LRBA: variants seen among roughly 807,000 people sequenced by gnomAD.
The protein encoded by LRBA is LPS responsive beige-like anchor protein.
A neutral mutation model predicts 330.0 loss-of-function variants in LRBA; 176 were observed. The ratio of observed to expected loss-of-function variants is 0.53; its 90% confidence interval spans 0.47 to 0.60. The LOEUF (loss-of-function observed/expected upper bound fraction) is 0.60. Ranked by LOEUF, LRBA falls within the 20% of genes least tolerant of loss-of-function variation. The pLI, the probability that LRBA is intolerant of heterozygous loss-of-function variation, is 0.00. For synonymous variants in LRBA, 1,230 were observed against 1,193.0 expected (o/e 1.03, Z -0.64); for missense variants, 3,259 against 3,444.8 (o/e 0.95, Z 1.35).
intron 40 of LRBA, among the ~76,000 whole-genome samples, chr4:150,559,588 T>G (rs1462857054): frequency 8.5e-6 from 1 of 117,874 alleles, no homozygotes; most frequent in East Asian, 2.1e-4. Context: ...ATATAAATAT[T>G]TATAATATAT....
At chr4:150,389,812 C>A (rs1488461924) in intron 47 of LRBA, among the ~76,000 whole-genome samples, 1 of 151,222 alleles carries the variant, frequency 6.6e-6, no homozygotes, top group African/African-American at 2.4e-5. Flanking sequence ...ATGGATTCAC[C>A]AACAAATTCC....
intron 37 of LRBA, among the ~76,000 whole-genome samples, chr4:150,675,019 C>T (rs1356584651): frequency 6.6e-6 from 1 of 151,976 alleles, no homozygotes; most frequent in Non-Finnish European, 1.5e-5. Context: ...GGGTTCAAGA[C>T]CAGCCTGGGC....
intron 54 of LRBA, among the ~76,000 whole-genome samples, chr4:150,285,347 T>G (rs1748015587): frequency 6.6e-6 from 1 of 152,248 alleles, no homozygotes; most frequent in African/African-American, 2.4e-5. Flanking sequence ...ATTTGTTGCA[T>G]GTGCTCTAAG....
chr4:150,415,702 G>A, intron 46 of LRBA, 112 bp from the exon 47 acceptor site: 1 of 654,324 alleles, frequency 1.5e-6, no homozygotes, highest in South Asian at 2.4e-5. Context: ...ATAAACACAG[G>A]GAATTTTTTT....
chr4:150,346,697 T>G lies in LRBA; in HGVS notation c.7362+3295A>C, dbSNP rs555106325. 6.9e-5 allele frequency among the ~76,000 whole-genome samples: 9 copies of G among 131,028 alleles called. No homozygotes were observed. The East Asian group carries it at 2.1e-3, about 30-fold the overall frequency. The allele number at this position is 131,028 out of a possible 152,430, so 86.0% of individuals were successfully genotyped here. A position where few individuals can be genotyped will look rare whatever the true frequency, so the allele number is the denominator to read the frequency against. On this transcript the variant is annotated intron_variant, in intron 48 of 56. Coordinates refer to ENST00000651943, the MANE Select transcript of LRBA (RefSeq NM_001364905.1). ...TCACTTGAACCTGGGAGGCGGAGGT[T>G]GCAGTGAGCCAAGATTACACCATTG...
intron 53 of LRBA, among the ~76,000 whole-genome samples, chr4:150,298,352 C>A (rs146814607): frequency 8.9e-4 from 136 of 151,982 alleles, no homozygotes; most frequent in African/African-American, 3.2e-3. Context: ...AGTCACATGG[C>A]AAGATCATTC....
intron 55 of LRBA, among the ~76,000 whole-genome samples, chr4:150,282,176 AC>A (rs1204306140): frequency 6.6e-6 from 1 of 152,206 alleles, no homozygotes; most frequent in African/African-American, 2.4e-5. Flanking sequence ...ACTAAAAGCC[AC>A]CCAGGATGGC....
At chr4:150,966,954 C>T (rs1738970124) in intron 2 of LRBA, among the ~76,000 whole-genome samples, 2 of 152,164 alleles carry the variant, frequency 1.3e-5, no homozygotes. Flanking sequence ...AACCTCATGG[C>T]CTTGAAATCT....
At chr4:150,766,455 C>T (rs1445328449) in intron 34 of LRBA, among the ~76,000 whole-genome samples, 4 of 152,056 alleles carry the variant, frequency 2.6e-5, no homozygotes, top group Admixed American at 6.5e-5. Flanking sequence ...CAAGTTTTCT[C>T]CATACTAAAA....
chr4:150,904,959 G>C (rs1018917648), intron 13 of LRBA, among the ~76,000 whole-genome samples: 1 of 152,064 alleles, frequency 6.6e-6, no homozygotes, highest in Non-Finnish European at 1.5e-5. Context: ...AGGCAGAAGG[G>C]GAGAGAGGAA....
At chr4:150,729,792 C>T (rs749488739) in intron 36 of LRBA, among the ~76,000 whole-genome samples, 7 of 152,024 alleles carry the variant, frequency 4.6e-5, no homozygotes, top group Non-Finnish European at 8.8e-5. Flanking sequence ...AGAATAAAAA[C>T]AGACACATAA....
chr4:150,863,695 G>C (rs1025335728), intron 22 of LRBA, among the ~76,000 whole-genome samples: 1 of 151,976 alleles, frequency 6.6e-6, no homozygotes, highest in Non-Finnish European at 1.5e-5. Context: ...TATAAATCAG[G>C]ATTCACACCC....
Position 150,733,151 on chromosome 4 carries a change from CTT to C in LRBA, c.5754+2105_5754+2106del, listed in dbSNP as rs112383738. 1.3e-3 allele frequency among the ~76,000 whole-genome samples: 191 copies of C among 152,038 alleles called. 4 individuals carry two copies. The highest frequency in any genetic ancestry group is 4.4e-3 in the African/African-American group (183 of 41,512). On this transcript the variant is annotated intron_variant, in intron 36 of 56. Coordinates refer to ENST00000651943, the MANE Select transcript of LRBA (RefSeq NM_001364905.1). ...ATATTGCACTGAGTTTACATACTGA[CTT>C]GAGAAAAATGAACATTTTTGTGACG...
chr4:150,443,221 G>C (rs953918301), intron 44 of LRBA, among the ~76,000 whole-genome samples: 1 of 152,136 alleles, frequency 6.6e-6, no homozygotes, highest in African/African-American at 2.4e-5. Flanking sequence ...AGGATGTAGA[G>C]AAATAGGAAT....
chr4:150,613,375 T>A (rs945963878), intron 37 of LRBA, among the ~76,000 whole-genome samples: 2 of 152,140 alleles, frequency 1.3e-5, no homozygotes, highest in Non-Finnish European at 2.9e-5. Flanking sequence ...ATCCACAAAT[T>A]GAGTCAAAGA....
chr4:150,882,661 A>C (rs1225369629), intron 17 of LRBA, among the ~76,000 whole-genome samples: 1 of 152,234 alleles, frequency 6.6e-6, no homozygotes, highest in Non-Finnish European at 1.5e-5. Flanking sequence ...AGAAAATATA[A>C]TTCAGGCAAG....
At chr4:150,698,085 A>G (rs149623928) in intron 36 of LRBA, among the ~76,000 whole-genome samples, 10 of 152,300 alleles carry the variant, frequency 6.6e-5, no homozygotes, top group Middle Eastern at 3.4e-3. Context: ...AATACTTTGT[A>G]TTATAAAATG....
intron 53 of LRBA, among the ~76,000 whole-genome samples, chr4:150,286,438 C>T (rs947054095): frequency 6.6e-5 from 10 of 152,120 alleles, no homozygotes; most frequent in African/African-American, 2.2e-4. Context: ...CTTTGTGGGC[C>T]GCTGAAACCC....
At chr4:150,275,859 A>G (rs1180073851) in intron 56 of LRBA, among the ~76,000 whole-genome samples, 2 of 152,254 alleles carry the variant, frequency 1.3e-5, no homozygotes, top group Non-Finnish European at 2.9e-5. Flanking sequence ...TGCCCAAAGT[A>G]ATTTATAGAG....
Sources: gnomAD v4.1 joint callset for allele counts (sites outside exome capture counted in the v4.1 genomes callset) on GRCh38, gnomAD v4.1.1 for gene constraint, MANE v1.5 for transcripts, NCBI Gene and HGNC (gene_info 2026-07-23, HGNC 2026-07-21) for gene names.